Variants in GLCCI1 observed in about 807,000 individuals in gnomAD.
GLCCI1 encodes glucocorticoid-induced transcript 1 protein.
A neutral mutation model predicts 52.2 loss-of-function variants in GLCCI1; 24 were observed. The observed-to-expected ratio is 0.46, with a 90% CI of 0.33 to 0.65. The LOEUF (loss-of-function observed/expected upper bound fraction) is 0.65, where lower values mean the gene tolerates loss of function less well. Among genes scored for constraint, GLCCI1 ranks in the 30% least tolerant of loss-of-function variants. The probability of loss-of-function intolerance (pLI) is 0.02; values close to 1 mark genes in which losing one functional copy is unlikely to be tolerated. For synonymous variants in GLCCI1, 310 were observed against 276.5 expected (o/e 1.12, Z -1.20); for missense variants, 704 against 701.5 (o/e 1.00, Z -0.04).
In GLCCI1 at chr7:8,073,109, G is replaced by T. The variant is rs117266216; in HGVS notation, c.1177+1978G>T. Among the ~76,000 whole-genome samples, 386 of 152,214 alleles carry T rather than the reference G, an allele frequency of 2.5e-3. 2 individuals are homozygous for T. The highest frequency in any genetic ancestry group is 6.8e-3 in the Middle Eastern group (2 of 294). ...TCTCCTGCCAGGGTCTTTTGCAGGA[G>T]ACATTGTAACATAGAAGTTAAGAGT... On this transcript the variant is annotated intron_variant, in intron 6 of 7. Coordinates refer to ENST00000223145, the MANE Select transcript of GLCCI1 (RefSeq NM_138426.4).
chr7:7,984,866 C>G (rs1009009260), intron 1 of GLCCI1, among the ~76,000 whole-genome samples: 1 of 152,206 alleles, frequency 6.6e-6, no homozygotes, highest in African/African-American at 2.4e-5. Flanking sequence ...AGGGAAAGAA[C>G]TCATATATGC....
At chr7:8,001,373 C>G (rs886852073) in intron 1 of GLCCI1, among the ~76,000 whole-genome samples, 2 of 152,186 alleles carry the variant, frequency 1.3e-5, no homozygotes, top group African/African-American at 2.4e-5. Context: ...GGCCCCCACT[C>G]TCTTCTGGCT....
At position 7,997,935 on chromosome 7, in the gene GLCCI1, AAATAAAT is replaced by A. The variant is rs1780968507; in HGVS notation, c.458-5970_458-5964del. Among the ~76,000 whole-genome samples, 6 of 16,488 alleles carry A rather than the reference AAATAAAT, an allele frequency of 3.6e-4. No homozygotes were observed. In the Admixed American group the frequency reaches 5.1e-3, roughly 14 times the overall value. The allele number at this position is 16,488 out of a possible 152,430, so 10.8% of individuals were successfully genotyped here. On this transcript the variant is annotated intron_variant, in intron 1 of 7. Coordinates refer to ENST00000223145, the MANE Select transcript of GLCCI1 (RefSeq NM_138426.4). ...GAGTGAGACTCTGTCTCAAATAAAT[AAATAAAT>A]AAATAAATAAATAAATAAATAAATA... is the stretch of plus-strand genomic sequence containing the variant.
intron 1 of GLCCI1, among the ~76,000 whole-genome samples, chr7:7,992,234 CAA>C (rs925983529): frequency 6.6e-6 from 1 of 151,622 alleles, no homozygotes; most frequent in Non-Finnish European, 1.5e-5. Flanking sequence ...GAGAGGGAAA[CAA>C]TGTAATTTTA....
At chr7:8,002,376 G>A (rs1435498349) in intron 1 of GLCCI1, among the ~76,000 whole-genome samples, 2 of 152,028 alleles carry the variant, frequency 1.3e-5, no homozygotes, top group African/African-American at 4.8e-5. Flanking sequence ...CCATGCTTTT[G>A]GTCACAGGGA....
intron 5 of GLCCI1, 81 bp downstream of exon 5, chr7:8,060,329 T>C (rs1782485353): frequency 9.0e-7 from 1 of 1,107,758 alleles, no homozygotes; most frequent in Non-Finnish European, 1.3e-6. Context: ...GGTAACAGCT[T>C]TGTTAAGATA....
At chr7:7,979,658 A>G (rs554908764) in intron 1 of GLCCI1, among the ~76,000 whole-genome samples, 6 of 152,314 alleles carry the variant, frequency 3.9e-5, no homozygotes, top group South Asian at 2.1e-4. Context: ...GCATACATAT[A>G]CATTAGTGCA....
At chr7:7,986,583 A>G (rs959998556) in intron 1 of GLCCI1, among the ~76,000 whole-genome samples, 2 of 152,194 alleles carry the variant, frequency 1.3e-5, no homozygotes, top group African/African-American at 2.4e-5. Flanking sequence ...TGAGAATAAA[A>G]CTAATAAAAT....
intron 1 of GLCCI1, among the ~76,000 whole-genome samples, chr7:7,973,902 T>G (rs1412092142): frequency 1.3e-5 from 2 of 152,116 alleles, no homozygotes; most frequent in African/African-American, 4.8e-5. Context: ...ACAAAAAATT[T>G]TAATAACTTT....
chr7:7,970,422 C>T (rs1158538660), intron 1 of GLCCI1: 2 of 143,148 alleles, frequency 1.4e-5, no homozygotes, highest in Admixed American at 1.4e-4. Flanking sequence ...CTCTCCCTCT[C>T]TTTCTCCCCC....
intron 5 of GLCCI1, 54 bp downstream of exon 5, chr7:8,060,302 CTGA>C: frequency 2.2e-6 from 3 of 1,367,672 alleles, no homozygotes; most frequent in Non-Finnish European, 3.1e-6. Flanking sequence ...AACGAACTGT[CTGA>C]AAAGTACTTT....
chr7:8,076,330 G>A (rs183502221), intron 6 of GLCCI1, among the ~76,000 whole-genome samples: 389 of 152,206 alleles, frequency 2.6e-3, no homozygotes, highest in African/African-American at 8.7e-3. Context: ...TGGTTCTAGG[G>A]CGCTTATTAT....
At chr7:8,045,040 A>G (rs189413895) in intron 3 of GLCCI1, among the ~76,000 whole-genome samples, 3 of 152,348 alleles carry the variant, frequency 2.0e-5, no homozygotes, top group East Asian at 3.9e-4. Flanking sequence ...TTAAGTCCTT[A>G]TGGCATATTT....
At chr7:8,084,418 A>G (rs1029195969) in intron 6 of GLCCI1, among the ~76,000 whole-genome samples, 3 of 152,152 alleles carry the variant, frequency 2.0e-5, no homozygotes, top group African/African-American at 7.2e-5. Flanking sequence ...TCCCCTGCGT[A>G]CGTGTTATTC....
rs750920082 is a variant in GLCCI1 at position 8,071,084 on chromosome 7, A to G, written c.1130A>G (p.Asp377Gly). The G allele has an allele frequency of 2.5e-6, 4 of 1,614,172 alleles. No individual in the cohort carries two copies. The highest frequency in any genetic ancestry group is 3.4e-6 in the Non-Finnish European group (4 of 1,180,006). ...CCTTTTTGTCCCCCGGAATCCCAGG[A>G]TGGTAGCCCTTGCTCAACAGAAGAT... Reference protein sequence around the residue: ...VSPFCPPESQDGSPCSTEDLL... With the variant: ...VSPFCPPESQGGSPCSTEDLL... The change falls in exon 6 of 8, where the codon GAT becomes GGT. Residue 377 changes from aspartate to glycine, a missense_variant. Transcript: ENST00000223145.
chr7:8,074,584 C>G (rs1471494896), intron 6 of GLCCI1, among the ~76,000 whole-genome samples: 2 of 152,038 alleles, frequency 1.3e-5, no homozygotes, highest in Non-Finnish European at 2.9e-5. Flanking sequence ...AATTAGGAGG[C>G]TGAGACAAGA....
intron 2 of GLCCI1, among the ~76,000 whole-genome samples, chr7:8,013,988 T>C (rs1387590466): frequency 1.5e-5 from 2 of 130,918 alleles, no homozygotes; most frequent in African/African-American, 6.2e-5. Flanking sequence ...CTGAAGGCCT[T>C]GACTTTTTTT....
In GLCCI1 at chr7:8,022,671, A is replaced by G. The variant is rs115670281; in HGVS notation, c.696+102A>G. On this transcript the variant is annotated intron_variant, in intron 3 of 7. Coordinates refer to ENST00000223145, the MANE Select transcript of GLCCI1 (RefSeq NM_138426.4). The stretch of plus-strand genomic sequence containing the variant: ...CACTTTTAAAATTTATCCTAACCTT[A>G]CCTCTTTCAGTAAGGTTAGGACAAA... 1.3e-3 allele frequency: 722 copies of G among 546,180 alleles called. 6 individuals are homozygous for G. The highest frequency in any genetic ancestry group is 0.013 in the African/African-American group (653 of 50,716). The allele number at this position is 546,180 out of a possible 1,614,324, so 33.8% of individuals were successfully genotyped here. A position where few individuals can be genotyped will look rare whatever the true frequency, so the allele number is the denominator to read the frequency against.
In GLCCI1 at chr7:7,969,329, G is replaced by A; in HGVS notation, c.-22G>A. On this transcript the variant is annotated 5_prime_UTR_variant, in exon 1 of 8. Transcript: ENST00000223145. This position sits in a 1 kb window ranked among gnomAD's most constrained non-coding sequence, Gnocchi z 4.9. ...CCGCGCCTCCGTGTCGGCCGGCGGC[G>A]TCCAGGGCCCGCAGAGCCACCATGT... The A allele has an allele frequency of 7.0e-7, 1 of 1,438,396 alleles. No homozygotes were observed. Among genetic ancestry groups the A allele is most frequent in the Non-Finnish European group, 9.2e-7 (1 of 1,092,178 alleles). The allele number at this position is 1,438,396 out of a possible 1,614,324, so 89.1% of individuals were successfully genotyped here. A position where few individuals can be genotyped will look rare whatever the true frequency, so the allele number is the denominator to read the frequency against.
Sources: allele counts gnomAD v4.1 joint callset (sites outside exome capture counted in the v4.1 genomes callset), GRCh38; gene constraint gnomAD v4.1.1; non-coding constraint Gnocchi (gnomAD v3.1); transcripts MANE v1.5; gene names NCBI Gene and HGNC (gene_info 2026-07-23, HGNC 2026-07-21).